The following OLA1 variants were observed in gnomAD, a reference collection of about 807,000 sequenced individuals.
OLA1 encodes obg-like ATPase 1.
OLA1 carries 14 observed loss-of-function variants against 48.4 expected under a neutral mutation model. The ratio of observed to expected loss-of-function variants is 0.29; its 90% CI spans 0.19 to 0.45. The LOEUF is 0.45. Among genes scored for constraint, OLA1 ranks in the 20% least tolerant of loss-of-function variants. The probability of loss-of-function intolerance (pLI) is 1.00; values close to 1 mark genes in which losing one functional copy is unlikely to be tolerated. For missense variants in OLA1, 325 were observed against 467.1 expected, an observed-to-expected ratio of 0.70 and a Z score of 2.80; for synonymous variants, 127 against 150.4, an observed-to-expected ratio of 0.84 and a Z score of 1.14.
intron 3 of OLA1, among the ~76,000 whole-genome samples, chr2:174,227,277 A>C (rs1676070503): frequency 6.6e-6 from 1 of 152,146 alleles, no homozygotes; most frequent in African/African-American, 2.4e-5. Context: ...AATAAGATAA[A>C]ACAACTGAAC....
At chr2:174,225,226 C>T (rs1037236599) in intron 3 of OLA1, among the ~76,000 whole-genome samples, 1 of 152,106 alleles carries the variant, frequency 6.6e-6, no homozygotes, top group Non-Finnish European at 1.5e-5. Flanking sequence ...TGTGACACAC[C>T]CACTCCCCTT....
chr2:174,241,497 T>C (rs1349929741), intron 2 of OLA1, among the ~76,000 whole-genome samples: 2 of 152,172 alleles, frequency 1.3e-5, no homozygotes, highest in Non-Finnish European at 2.9e-5. Flanking sequence ...GAGAAGGCAA[T>C]TTGCAGGGAC....
At position 174,223,118 on chromosome 2, in the gene OLA1, A is replaced by G. The variant is rs1688543338; in HGVS notation, c.288T>C (p.Leu96=). ...CCTGCCCATTGTGAGCTCCTTTCAC[A>G]AGGCCAGCAATATCCACCACATTTA... The part of the protein sequence containing the change: ...AFLNVVDIAG[L]VKGAHNGQGL... The change falls in exon 4 of 11, where the codon CTT becomes CTC. Residue 96 remains leucine, a synonymous_variant. Coordinates refer to ENST00000284719, the MANE Select transcript of OLA1 (RefSeq NM_013341.5). 2 of 1,613,890 alleles carry G rather than the reference A, an allele frequency of 1.2e-6. No homozygotes were observed. Among genetic ancestry groups the G allele is most frequent in the South Asian group, 2.2e-5 (2 of 91,076 alleles).
chr2:174,094,221 T>C (rs1043130766), intron 7 of OLA1, among the ~76,000 whole-genome samples: 2 of 152,056 alleles, frequency 1.3e-5, no homozygotes, highest in African/African-American at 2.4e-5. Flanking sequence ...GAGACAGAAA[T>C]ATATTTAACA....
At chr2:174,139,022 AT>A (rs1686376660) in intron 5 of OLA1, among the ~76,000 whole-genome samples, 1 of 152,174 alleles carries the variant, frequency 6.6e-6, no homozygotes, top group African/African-American at 2.4e-5. Context: ...CATTTTTCAA[AT>A]TTCATTTTTC....
intron 7 of OLA1, among the ~76,000 whole-genome samples, chr2:174,110,784 A>G (rs1685630794): frequency 6.6e-6 from 1 of 151,978 alleles, no homozygotes; most frequent in African/African-American, 2.4e-5. Context: ...ATGTACCTAT[A>G]TTGCTTAGGC....
intron 7 of OLA1, among the ~76,000 whole-genome samples, chr2:174,099,663 C>T (rs1351890156): frequency 2.0e-5 from 3 of 152,128 alleles, no homozygotes; most frequent in Admixed American, 2.0e-4. Flanking sequence ...TTTATGTTTA[C>T]CTACTGTTTA....
intron 7 of OLA1, among the ~76,000 whole-genome samples, chr2:174,105,777 T>G (rs927467699): frequency 9.9e-5 from 15 of 152,064 alleles, no homozygotes; most frequent in African/African-American, 3.6e-4. Flanking sequence ...TTTGATATAA[T>G]TTTGGTGCTC....
At chr2:174,124,853 A>G (rs986920687) in intron 5 of OLA1, among the ~76,000 whole-genome samples, 1 of 152,170 alleles carries the variant, frequency 6.6e-6, no homozygotes, top group Non-Finnish European at 1.5e-5. Context: ...TTTTGCTGTT[A>G]CCAACAGGAA....
At chr2:174,241,297 C>T (rs866680921) in intron 2 of OLA1, among the ~76,000 whole-genome samples, 3 of 152,160 alleles carry the variant, frequency 2.0e-5, no homozygotes, top group African/African-American at 7.2e-5. Flanking sequence ...ACTACATTCC[C>T]GACGAACAAA....
chr2:174,170,319 G>A (rs1238651002), intron 4 of OLA1, among the ~76,000 whole-genome samples: 1 of 152,076 alleles, frequency 6.6e-6, no homozygotes, highest in African/African-American at 2.4e-5. Flanking sequence ...AGTTAAGGAG[G>A]TATATTGTAA....
intron 4 of OLA1, 55 bp from the exon 5 acceptor site, chr2:174,142,055 T>G (rs1161432250): frequency 9.1e-6 from 13 of 1,426,462 alleles, no homozygotes; most frequent in Non-Finnish European, 1.3e-5. Flanking sequence ...GCGTGTTCAT[T>G]ATGATAGAGT....
intron 3 of OLA1, among the ~76,000 whole-genome samples, chr2:174,226,191 T>C: frequency 7.1e-6 from 1 of 140,186 alleles, no homozygotes; most frequent in Non-Finnish European, 1.5e-5. Flanking sequence ...AGAGCGAGAC[T>C]CCGTCTCAAA....
intron 4 of OLA1, among the ~76,000 whole-genome samples, chr2:174,159,296 T>C (rs1218856815): frequency 6.6e-6 from 1 of 152,176 alleles, no homozygotes; most frequent in Non-Finnish European, 1.5e-5. Context: ...TGTAGCTGTA[T>C]TGTCTTGCCA....
At chr2:174,138,548 C>T (rs1686364516) in intron 5 of OLA1, among the ~76,000 whole-genome samples, 1 of 152,116 alleles carries the variant, frequency 6.6e-6, no homozygotes. Context: ...AAATGTGACA[C>T]AGAGACACAA....
At chr2:174,127,435 G>A (rs1185457330) in intron 5 of OLA1, among the ~76,000 whole-genome samples, 7 of 152,096 alleles carry the variant, frequency 4.6e-5, no homozygotes, top group African/African-American at 1.7e-4. Context: ...CACAAAAATA[G>A]TAATTTTTCT....
chr2:174,180,725 G>A (rs1427194768), intron 4 of OLA1, among the ~76,000 whole-genome samples: 1 of 152,108 alleles, frequency 6.6e-6, no homozygotes, highest in Non-Finnish European at 1.5e-5. Flanking sequence ...AAGTTACACT[G>A]GAAATACTGC....
At position 174,082,060 on chromosome 2, in the gene OLA1, T is replaced by C. The variant is rs1454838308; in HGVS notation, c.733A>G (p.Ile245Val). Residue 245 changes from isoleucine to valine, a missense_variant, in exon 8 of 11, where the codon ATA becomes GTA. Coordinates refer to ENST00000284719, the MANE Select transcript of OLA1 (RefSeq NM_013341.5). ...DYIRKKNKWLIKIKEWVDKYD... is the reference protein window; with the variant it reads ...DYIRKKNKWLVKIKEWVDKYD... ...TTGTCCACCCACTCTTTAATTTTTA[T>C]CAACCTGTAGACAAAAAAGGGCACA... 7 of 1,613,078 alleles carry C rather than the reference T, an allele frequency of 4.3e-6. No individual in the cohort carries two copies. In the African/African-American group the frequency reaches 9.3e-5, roughly 22 times the overall value.
At chr2:174,110,302 A>ATTTTTTT (rs575026912) in intron 7 of OLA1, among the ~76,000 whole-genome samples, 15 of 113,854 alleles carry the variant, frequency 1.3e-4, no homozygotes, top group African/African-American at 2.7e-4. Flanking sequence ...CCATGCTTGG[A>ATTTTTTT]TTTTTTTTTT....
Sources: gnomAD v4.1 joint callset for allele counts (sites outside exome capture counted in the v4.1 genomes callset) on GRCh38, gnomAD v4.1.1 for gene constraint, MANE v1.5 for transcripts, NCBI Gene and HGNC (gene_info 2026-07-23, HGNC 2026-07-21) for gene names.